Variants in CSMD1 observed in about 807,000 individuals in gnomAD.
CSMD1 encodes CUB and Sushi multiple domains 1, also known as CUB and sushi domain-containing protein 1.
Under a neutral mutation model 417.5 loss-of-function variants are expected in CSMD1, and 213 were observed. The ratio of observed to expected loss-of-function variants is 0.51; its 90% CI spans 0.46 to 0.57. The LOEUF is 0.57. CSMD1 is among the 20% of genes least tolerant of loss of function. The pLI is 0.00. For missense variants in CSMD1, 6,923 were observed against 4,529.7 expected (o/e 1.53, Z -15.17); for synonymous variants, 2,862 against 1,736.8 (o/e 1.65, Z -16.11).
chr8:4,811,127 T>C (rs1181247543), intron 1 of CSMD1, among the ~76,000 whole-genome samples: 1 of 152,182 alleles, frequency 6.6e-6, no homozygotes, highest in Non-Finnish European at 1.5e-5. Flanking sequence ...AACACATAAA[T>C]GATCAAGTGA....
intron 3 of CSMD1, among the ~76,000 whole-genome samples, chr8:4,101,746 T>C (rs971448582): frequency 6.6e-6 from 1 of 152,204 alleles, no homozygotes; most frequent in African/African-American, 2.4e-5. Flanking sequence ...GGGCCAATGA[T>C]AAGTGAAAGC....
At chr8:4,471,776 A>T (rs765216754) in intron 2 of CSMD1, among the ~76,000 whole-genome samples, 10 of 152,046 alleles carry the variant, frequency 6.6e-5, no homozygotes, top group African/African-American at 2.4e-4. Context: ...CACAAAGGAG[A>T]CTGAGGAGCA....
At chr8:4,302,758 C>T (rs1798045353) in intron 3 of CSMD1, among the ~76,000 whole-genome samples, 1 of 152,126 alleles carries the variant, frequency 6.6e-6, no homozygotes, top group Non-Finnish European at 1.5e-5. Context: ...TTACTGACCC[C>T]AACTGAGTCC....
chr8:3,790,966 T>C (rs939509147), intron 5 of CSMD1, among the ~76,000 whole-genome samples: 2 of 152,182 alleles, frequency 1.3e-5, no homozygotes, highest in Non-Finnish European at 2.9e-5. Flanking sequence ...GGAAAGATGG[T>C]CAAAAATATT....
chr8:4,464,256 C>G (rs1252052092), intron 2 of CSMD1, among the ~76,000 whole-genome samples: 1 of 152,002 alleles, frequency 6.6e-6, no homozygotes, highest in African/African-American at 2.4e-5. Flanking sequence ...CATCTTCCTG[C>G]AGTGATTGTA....
chr8:4,823,658 A>G (rs1313737730), intron 1 of CSMD1, among the ~76,000 whole-genome samples: 1 of 152,092 alleles, frequency 6.6e-6, no homozygotes. Flanking sequence ...AGCAATAATC[A>G]CAACACTGAC....
intron 2 of CSMD1, among the ~76,000 whole-genome samples, chr8:4,564,263 T>C (rs1200491831): frequency 6.6e-6 from 1 of 152,240 alleles, no homozygotes; most frequent in Non-Finnish European, 1.5e-5. Flanking sequence ...ATAACAGTTT[T>C]ATAATTTTTA....
intron 4 of CSMD1, among the ~76,000 whole-genome samples, chr8:4,018,397 T>C (rs117175106): frequency 0.035 from 5,385 of 152,306 alleles, 131 homozygotes; most frequent in Non-Finnish European, 0.054. Context: ...GGCAACTTCC[T>C]GCCTCGATTC....
intron 17 of CSMD1, among the ~76,000 whole-genome samples, chr8:3,394,902 G>A (rs1811594556): frequency 1.3e-5 from 2 of 152,084 alleles, no homozygotes; most frequent in East Asian, 1.9e-4. Context: ...TCATTGATAA[G>A]CAATTTTCCT....
intron 3 of CSMD1, among the ~76,000 whole-genome samples, chr8:4,196,079 C>T (rs555277574): frequency 2.6e-5 from 4 of 152,098 alleles, no homozygotes; most frequent in South Asian, 2.1e-4. Flanking sequence ...GGCGTGGTGA[C>T]GGGCGCCTGT....
chr8:3,368,846 T>C (rs1809770440), intron 19 of CSMD1, among the ~76,000 whole-genome samples: 1 of 152,230 alleles, frequency 6.6e-6, no homozygotes, highest in Non-Finnish European at 1.5e-5. Flanking sequence ...TTATGTATGA[T>C]GATACTGGGT....
intron 3 of CSMD1, among the ~76,000 whole-genome samples, chr8:4,148,127 C>A (rs1400597331): frequency 6.6e-6 from 1 of 152,088 alleles, no homozygotes; most frequent in Non-Finnish European, 1.5e-5. Context: ...GCGTGACATG[C>A]TCTGGGTGAA....
At chr8:3,914,172 G>C (rs1164724842) in intron 5 of CSMD1, among the ~76,000 whole-genome samples, 1 of 152,072 alleles carries the variant, frequency 6.6e-6, no homozygotes, top group Non-Finnish European at 1.5e-5. Flanking sequence ...GAGAAAACAA[G>C]AAAAAGTACT....
chr8:4,220,074 C>G (rs930850101), intron 3 of CSMD1, among the ~76,000 whole-genome samples: 10 of 152,124 alleles, frequency 6.6e-5, no homozygotes, highest in Middle Eastern at 3.2e-3. Context: ...CTCAGCCTCC[C>G]GAGTACCTGT....
chr8:4,045,406 C>G (rs550719905), intron 3 of CSMD1, among the ~76,000 whole-genome samples: 1 of 152,292 alleles, frequency 6.6e-6, no homozygotes, highest in East Asian at 1.9e-4. Flanking sequence ...TACCGATCAT[C>G]AATGACAAGT....
Position 4,026,009 on chromosome 8 carries a change from T to C in CSMD1, c.610+5896A>G, listed in dbSNP as rs186145951. Among the ~76,000 whole-genome samples, 717 of 109,020 alleles carry C rather than the reference T, an allele frequency of 6.6e-3. 19 individuals carry two copies. The highest frequency in any genetic ancestry group is 0.061 in the Admixed American group (660 of 10,878). The allele number at this position is 109,020 out of a possible 152,430, so 71.5% of individuals were successfully genotyped here. On this transcript the variant is annotated intron_variant, in intron 4 of 69. Coordinates refer to ENST00000635120, the MANE Select transcript of CSMD1 (RefSeq NM_033225.6). ...ACAGTCATGCTACTGTTAGGAACTC[T>C]ATAAAAAAAAAAAAAACTCTTCAAC... is the stretch of plus-strand genomic sequence containing the variant.
intron 3 of CSMD1, among the ~76,000 whole-genome samples, chr8:4,163,808 T>A (rs762241281): frequency 1.3e-5 from 2 of 152,192 alleles, no homozygotes; most frequent in Non-Finnish European, 2.9e-5. Flanking sequence ...TACATTTTAA[T>A]TTTCTACACC....
chr8:4,883,796 C>CA (rs986595536), intron 1 of CSMD1, among the ~76,000 whole-genome samples: 1 of 151,804 alleles, frequency 6.6e-6, no homozygotes, highest in Non-Finnish European at 1.5e-5. Context: ...TTCATGTACA[C>CA]AAAAAATATT....
intron 1 of CSMD1, among the ~76,000 whole-genome samples, chr8:4,851,312 G>C (rs564461195): frequency 1.2e-4 from 19 of 152,010 alleles, no homozygotes; most frequent in Non-Finnish European, 2.5e-4. Flanking sequence ...ATTCTATGGT[G>C]TATACATGCC....
Sources: allele counts gnomAD v4.1 joint callset (sites outside exome capture counted in the v4.1 genomes callset), GRCh38; gene constraint gnomAD v4.1.1; transcripts MANE v1.5; gene names NCBI Gene and HGNC (gene_info 2026-07-23, HGNC 2026-07-21).